Variants in ACOXL observed in about 807,000 individuals in gnomAD.
ACOXL encodes acyl-CoA oxidase like, also known as acyl-coenzyme A oxidase-like protein.
In ACOXL, 70 loss-of-function variants were observed where a neutral mutation model predicts 71.9. The ratio of observed to expected loss-of-function variants is 0.97; its 90% CI spans 0.80 to 1.19. ACOXL has a LOEUF of 1.19. Ranked by LOEUF, ACOXL falls within the 50% of genes most tolerant of loss-of-function variation. The pLI, the probability that ACOXL is intolerant of heterozygous loss-of-function variation, is 0.00. For missense variants in ACOXL, 703 were observed against 736.3 expected (o/e 0.95, Z 0.52); for synonymous variants, 253 against 281.6 (o/e 0.90, Z 1.02).
At chr2:110,735,510 G>A (rs540917948) in intron 1 of ACOXL, among the ~76,000 whole-genome samples, 2 of 152,342 alleles carry the variant, frequency 1.3e-5, no homozygotes, top group African/African-American at 4.8e-5. Flanking sequence ...TCCAAAAGAG[G>A]TTGTGCAACT....
At chr2:110,947,203 A>G (rs1269915587) in intron 12 of ACOXL, among the ~76,000 whole-genome samples, 1 of 152,148 alleles carries the variant, frequency 6.6e-6, no homozygotes, top group East Asian at 1.9e-4. Flanking sequence ...TTCTTGCTTT[A>G]AGGATTGGGT....
intron 14 of ACOXL, among the ~76,000 whole-genome samples, chr2:111,008,461 AT>A (rs1558861687): frequency 6.6e-6 from 1 of 151,862 alleles, no homozygotes; most frequent in South Asian, 2.1e-4. Context: ...TACCTCATTC[AT>A]TTTTTTACAG....
intron 5 of ACOXL, among the ~76,000 whole-genome samples, chr2:110,795,425 G>A (rs1420962900): frequency 3.3e-5 from 5 of 152,148 alleles, no homozygotes; most frequent in Admixed American, 2.6e-4. Flanking sequence ...CCTCTGTGTA[G>A]TATTCTATGT....
intron 12 of ACOXL, among the ~76,000 whole-genome samples, chr2:110,959,610 C>A (rs1478719341): frequency 6.6e-6 from 1 of 152,100 alleles, no homozygotes; most frequent in Admixed American, 6.5e-5. Flanking sequence ...CCATGCTGGG[C>A]TGATTAGAAG....
In ACOXL at chr2:111,054,830, G is replaced by A. The variant is rs1243511246; in HGVS notation, c.1440+5542G>A. 3.9e-5 allele frequency among the ~76,000 whole-genome samples: 6 copies of A among 152,218 alleles called. No homozygotes were observed. In the East Asian group the frequency reaches 9.6e-4, roughly 24 times the overall value. Reference sequence around the variant, plus strand: ...TACTGAATACAACTTCTTCCCAGGCGAAGGCATTTTCCCCTAGCCTGATGG... The same window carrying A: ...TACTGAATACAACTTCTTCCCAGGCAAAGGCATTTTCCCCTAGCCTGATGG... On this transcript the variant is annotated intron_variant, in intron 16 of 17. Coordinates refer to ENST00000439055, the MANE Select transcript of ACOXL (RefSeq NM_001142807.4).
chr2:110,943,097 A>G (rs1317611572), intron 12 of ACOXL, among the ~76,000 whole-genome samples: 2 of 138,960 alleles, frequency 1.4e-5, no homozygotes, highest in African/African-American at 5.4e-5. Flanking sequence ...GGGAGGGAGG[A>G]AGGAAGGTAG....
chr2:110,906,119 C>CT (rs1395607881), intron 10 of ACOXL, among the ~76,000 whole-genome samples: 1 of 152,120 alleles, frequency 6.6e-6, no homozygotes, highest in African/African-American at 2.4e-5. Flanking sequence ...CTCTGCTTTG[C>CT]TTTTTTTGCA....
chr2:111,056,816 G>A (rs2066566126), intron 16 of ACOXL, among the ~76,000 whole-genome samples: 2 of 150,976 alleles, frequency 1.3e-5, no homozygotes, highest in Non-Finnish European at 3.0e-5. Flanking sequence ...AAATTTCATG[G>A]TAGTATGCCA....
intron 10 of ACOXL, among the ~76,000 whole-genome samples, chr2:110,854,054 C>T (rs1204243244): frequency 1.3e-5 from 2 of 152,004 alleles, no homozygotes; most frequent in East Asian, 3.9e-4. Context: ...AGTACTATCA[C>T]AACCTAAGGG....
intron 10 of ACOXL, among the ~76,000 whole-genome samples, chr2:110,898,374 A>G (rs1017193017): frequency 2.0e-5 from 3 of 152,234 alleles, no homozygotes; most frequent in African/African-American, 7.2e-5. Context: ...ATTTAGCAAT[A>G]TAAAAAAACT....
intron 14 of ACOXL, among the ~76,000 whole-genome samples, chr2:111,014,304 C>T (rs2064323095): frequency 6.6e-6 from 1 of 152,152 alleles, no homozygotes; most frequent in Admixed American, 6.5e-5. Flanking sequence ...GACACAAACT[C>T]AATATCTAAA....
intron 5 of ACOXL, among the ~76,000 whole-genome samples, chr2:110,798,147 G>A (rs1685492148): frequency 6.6e-6 from 1 of 152,112 alleles, no homozygotes; most frequent in African/African-American, 2.4e-5. Context: ...CAGCCATGTT[G>A]GTTTCAAGAC....
rs537238897 is a variant in ACOXL, at chr2:110,787,451, G to A, written c.159+2636G>A. Among the ~76,000 whole-genome samples the A allele has an allele frequency of 1.1e-4, 17 of 150,416 alleles. No homozygotes were observed. The East Asian group carries it at 1.8e-3, about 16-fold the overall frequency. On this transcript the variant is annotated intron_variant, in intron 3 of 17. Coordinates refer to ENST00000439055, the MANE Select transcript of ACOXL (RefSeq NM_001142807.4). The stretch of plus-strand genomic sequence containing the variant: ...CGGGAGGCTGAGGCAGGAGAATGGC[G>A]TGGACCCGGGAGGCGGAGCTTGCAG...
chr2:110,935,270 C>G (rs773634388), intron 12 of ACOXL, among the ~76,000 whole-genome samples: 1 of 152,078 alleles, frequency 6.6e-6, no homozygotes, highest in Non-Finnish European at 1.5e-5. Flanking sequence ...TCTGGGCTCC[C>G]GTGACTCATT....
In ACOXL at chr2:110,961,097, C is replaced by T. The variant is rs567094294; in HGVS notation, c.1060-26011C>T. ...GTTACTTTCAGGAGATGGGAAGCAA[C>T]ATGACAACCACGAGCCTGCCTCCCA... On this transcript the variant is annotated intron_variant, in intron 12 of 17. Transcript: ENST00000439055. Among the ~76,000 whole-genome samples, 6 of 152,334 alleles carry T rather than the reference C, an allele frequency of 3.9e-5. No homozygotes were observed. In the East Asian group the frequency reaches 1.2e-3, roughly 29 times the overall value.
At chr2:110,857,188 C>T (rs750829902) in intron 10 of ACOXL, among the ~76,000 whole-genome samples, 4 of 152,194 alleles carry the variant, frequency 2.6e-5, no homozygotes, top group East Asian at 1.9e-4. Flanking sequence ...TGTCTTTGAC[C>T]GACTCACTCA....
At chr2:110,917,675 C>T (rs761038999) in intron 11 of ACOXL, among the ~76,000 whole-genome samples, 6 of 152,238 alleles carry the variant, frequency 3.9e-5, no homozygotes, top group Non-Finnish European at 7.3e-5. Flanking sequence ...AGCCCAAAAT[C>T]TCCTTAAGCG....
intron 10 of ACOXL, among the ~76,000 whole-genome samples, chr2:110,880,953 T>C (rs559274266): frequency 6.6e-6 from 1 of 152,330 alleles, no homozygotes; most frequent in Non-Finnish European, 1.5e-5. Flanking sequence ...TTTAATCTCT[T>C]AGGAAGAACT....
chr2:110,791,390 A>G (rs745913686), intron 3 of ACOXL, among the ~76,000 whole-genome samples: 1 of 152,224 alleles, frequency 6.6e-6, no homozygotes, highest in Non-Finnish European at 1.5e-5. Flanking sequence ...TAGAAGAGGA[A>G]TTTATTGTCA....
Sources: gnomAD v4.1 joint callset for allele counts (sites outside exome capture counted in the v4.1 genomes callset) on GRCh38, gnomAD v4.1.1 for gene constraint, MANE v1.5 for transcripts, NCBI Gene and HGNC (gene_info 2026-07-23, HGNC 2026-07-21) for gene names.